Variants in ZMIZ1 observed in about 807,000 individuals in gnomAD.
ZMIZ1 encodes the protein zinc finger MIZ-type containing 1.
ZMIZ1 carries 17 observed loss-of-function variants against 113.9 expected under a neutral mutation model. That is an observed-to-expected ratio of 0.15 (90% CI 0.10 to 0.22). ZMIZ1 has a LOEUF of 0.22. Ranked by LOEUF, ZMIZ1 falls within the 10% of genes least tolerant of loss-of-function variation. The pLI is 1.00. For synonymous variants in ZMIZ1, 607 were observed against 603.1 expected (o/e 1.01, Z -0.09); for missense variants, 1,059 against 1,477.8 (o/e 0.72, Z 4.65).
At chr10:79,279,047 C>T (rs559853909) in intron 8 of ZMIZ1, among the ~76,000 whole-genome samples, 119 of 139,966 alleles carry the variant, frequency 8.5e-4, no homozygotes, top group African/African-American at 3.0e-3. Flanking sequence ...CCAGACGGGG[C>T]GGCGGCCGGG....
At chr10:79,137,093 G>T (rs1037548718) in intron 2 of ZMIZ1, among the ~76,000 whole-genome samples, 3 of 152,160 alleles carry the variant, frequency 2.0e-5, no homozygotes, top group African/African-American at 7.2e-5. Flanking sequence ...TTAAAACAGG[G>T]CCTCCAAAAT....
chr10:79,255,325 G>A (rs1325316632), intron 7 of ZMIZ1, among the ~76,000 whole-genome samples: 1 of 152,238 alleles, frequency 6.6e-6, no homozygotes, highest in African/African-American at 2.4e-5. Flanking sequence ...GCCCTGAGGG[G>A]CAGGCAGTGC....
intron 1 of ZMIZ1, among the ~76,000 whole-genome samples, chr10:79,075,142 A>G (rs1842427163): frequency 6.6e-6 from 1 of 152,170 alleles, no homozygotes; most frequent in Non-Finnish European, 1.5e-5. Context: ...GGGCCTGGGG[A>G]CTGCCTTCTT....
At chr10:79,139,230 G>A (rs1845154760) in intron 2 of ZMIZ1, among the ~76,000 whole-genome samples, 1 of 152,182 alleles carries the variant, frequency 6.6e-6, no homozygotes, top group Admixed American at 6.5e-5. Context: ...GAGTGGCTTT[G>A]GAAGTGGCTG....
rs199753193 is a variant in ZMIZ1 at position 79,162,520 on chromosome 10, G to A, written c.-50+387G>A. 6.6e-5 allele frequency among the ~76,000 whole-genome samples: 10 copies of A among 152,330 alleles called. No homozygotes were observed. In the East Asian group the frequency reaches 1.9e-3, roughly 29 times the overall value. ...CAGGAGCATGTCGGCTGAAATGGGT[G>A]CAGGGCTACCCACCCCTTCTGCCCA... On this transcript the variant is annotated intron_variant, in intron 4 of 24. Coordinates refer to ENST00000334512, the MANE Select transcript of ZMIZ1 (RefSeq NM_020338.4).
intron 7 of ZMIZ1, among the ~76,000 whole-genome samples, chr10:79,231,697 G>T (rs986880587): frequency 7.2e-5 from 11 of 151,890 alleles, no homozygotes; most frequent in Non-Finnish European, 1.6e-4. Context: ...TCCTATCTCC[G>T]CCTCCCAAGT....
chr10:79,294,218 G>A (rs1853715774), intron 12 of ZMIZ1: 1 of 164,020 alleles, frequency 6.1e-6, no homozygotes, highest in Non-Finnish European at 1.4e-5. Context: ...TTGGGGAAGT[G>A]ACTGGAAGGC....
chr10:79,136,180 C>T (rs538539515), intron 2 of ZMIZ1, among the ~76,000 whole-genome samples: 5 of 152,212 alleles, frequency 3.3e-5, no homozygotes, highest in Admixed American at 2.6e-4. Flanking sequence ...CAGGAAGTCA[C>T]TCGTCTCCAG....
chr10:79,296,266 A>T lies in ZMIZ1; in HGVS notation c.1231-205A>T. 1 of 607,312 alleles carries T rather than the reference A, an allele frequency of 1.6e-6. No homozygotes were observed. The highest frequency in any genetic ancestry group is 3.0e-5 in the East Asian group (1 of 33,784). The allele number at this position is 607,312 out of a possible 1,614,324, so 37.6% of individuals were successfully genotyped here. On this transcript the variant is annotated intron_variant, in intron 12 of 24. Coordinates refer to ENST00000334512, the MANE Select transcript of ZMIZ1 (RefSeq NM_020338.4). This position sits in a 1 kb window ranked among gnomAD's most constrained non-coding sequence, Gnocchi z 4.1. The stretch of plus-strand genomic sequence containing the variant: ...CTCCAGGAAGAACGGCCTCAAGGGG[A>T]GGTGGCCTATGATCTGGACAGGCAG...
chr10:79,292,262 TGGCA>T lies in ZMIZ1; in HGVS notation c.865_868del (p.Ala289GlnfsTer25). The T allele has an allele frequency of 6.2e-7, 1 of 1,611,896 alleles. No homozygotes were observed. Among genetic ancestry groups the T allele is most frequent in the Non-Finnish European group, 8.5e-7 (1 of 1,179,474 alleles). Reference sequence around the variant, plus strand: ...GCGGCAGCCGCTGCAGCAGCGGCAGTGGCAGCAGCAGCAGCCACAGCTACAGCCA... The same window carrying T: ...GCGGCAGCCGCTGCAGCAGCGGCAGTGCAGCAGCAGCCACAGCTACAGCCA... On this transcript the variant is annotated frameshift_variant, in exon 11 of 25. Transcript: ENST00000334512. LOFTEE classifies it high-confidence loss of function.
chr10:79,312,250 G>T (rs967477174), intron 24 of ZMIZ1, among the ~76,000 whole-genome samples: 1 of 152,224 alleles, frequency 6.6e-6, no homozygotes, highest in Non-Finnish European at 1.5e-5. Flanking sequence ...TCGCCTTCCC[G>T]CCTTCCCACC....
chr10:79,099,066 G>C (rs34277896), intron 1 of ZMIZ1, among the ~76,000 whole-genome samples: 20,505 of 152,182 alleles, frequency 0.13, 1,729 homozygotes, highest in East Asian at 0.26. Context: ...TCATCTGCTT[G>C]AGAGCAGGTC....
chr10:79,090,222 G>C (rs1190211804), intron 1 of ZMIZ1, among the ~76,000 whole-genome samples: 2 of 152,232 alleles, frequency 1.3e-5, no homozygotes, highest in Non-Finnish European at 2.9e-5. Context: ...CCCAGGTGCA[G>C]TGCCTGGGGT....
chr10:79,129,152 A>T (rs1273976178), intron 2 of ZMIZ1, among the ~76,000 whole-genome samples: 1 of 152,098 alleles, frequency 6.6e-6, no homozygotes, highest in Admixed American at 6.5e-5. Context: ...ACATTATTTA[A>T]TGTCACTCTC....
chr10:79,287,606 G>A (rs1336639460), intron 8 of ZMIZ1, among the ~76,000 whole-genome samples: 1 of 152,240 alleles, frequency 6.6e-6, no homozygotes, highest in African/African-American at 2.4e-5. Context: ...AGGTGCACAT[G>A]TATTTGTGTA....
intron 8 of ZMIZ1, among the ~76,000 whole-genome samples, chr10:79,284,767 A>G (rs939882064): frequency 6.6e-6 from 1 of 152,230 alleles, no homozygotes; most frequent in Non-Finnish European, 1.5e-5. Context: ...CTGTAACTCC[A>G]GAGCCCACAT....
At chr10:79,186,459 T>G (rs1393673391) in intron 4 of ZMIZ1, among the ~76,000 whole-genome samples, 1 of 152,126 alleles carries the variant, frequency 6.6e-6, no homozygotes, top group African/African-American at 2.4e-5. Flanking sequence ...GCCTCCAGTG[T>G]TTTTTAGCCC....
chr10:79,253,101 G>C (rs777503184), intron 7 of ZMIZ1, among the ~76,000 whole-genome samples: 10 of 152,332 alleles, frequency 6.6e-5, no homozygotes, highest in South Asian at 4.1e-4. Flanking sequence ...GTGGGTGTGC[G>C]GGGCCGGACA....
At chr10:79,149,436 C>T (rs116694814) in intron 3 of ZMIZ1, among the ~76,000 whole-genome samples, 1,669 of 152,308 alleles carry the variant, frequency 0.011, 27 homozygotes, top group African/African-American at 0.038. Context: ...CCTCTGCACT[C>T]CCACCATACC....
Sources: allele counts gnomAD v4.1 joint callset (sites outside exome capture counted in the v4.1 genomes callset), GRCh38; gene constraint gnomAD v4.1.1; non-coding constraint Gnocchi (gnomAD v3.1); transcripts MANE v1.5; gene names NCBI Gene and HGNC (gene_info 2026-07-23, HGNC 2026-07-21).